The following CAPZA1 variants were observed in gnomAD, a reference collection of about 807,000 sequenced individuals.
The protein encoded by CAPZA1 is F-actin-capping protein subunit alpha-1.
CAPZA1 carries 10 observed loss-of-function variants against 40.8 expected under a neutral mutation model. The observed-to-expected ratio is 0.25, with a 90% CI of 0.15 to 0.42. CAPZA1 has a LOEUF of 0.42. CAPZA1 is among the 10% of genes least tolerant of loss of function. The pLI is 1.00. For synonymous variants in CAPZA1, 98 were observed against 115.0 expected (o/e 0.85, Z 0.95); for missense variants, 277 against 353.8 (o/e 0.78, Z 1.74).
At position 112,633,565 on chromosome 1, in the gene CAPZA1, G is replaced by C. The variant is rs115670550; in HGVS notation, c.40-13645G>C. 3.1e-3 allele frequency among the ~76,000 whole-genome samples: 465 copies of C among 152,292 alleles called. 4 individuals are homozygous for C. The highest frequency in any genetic ancestry group is 0.011 in the African/African-American group (437 of 41,560). ...CTGCTGAAATGAACATGGGGGTGCAGATATCTCTCTGACATACCAATTTCA... is the reference window on the plus strand; with the variant it reads ...CTGCTGAAATGAACATGGGGGTGCACATATCTCTCTGACATACCAATTTCA... On this transcript the variant is annotated intron_variant, in intron 1 of 9. Coordinates refer to ENST00000263168, the MANE Select transcript of CAPZA1 (RefSeq NM_006135.3).
intron 7 of CAPZA1, among the ~76,000 whole-genome samples, chr1:112,664,123 G>C (rs909254134): frequency 6.6e-6 from 1 of 151,580 alleles, no homozygotes; most frequent in Non-Finnish European, 1.5e-5. Context: ...TCCCAGCTAC[G>C]TGGGAGGCTG....
chr1:112,632,064 G>C (rs1449713839), intron 1 of CAPZA1, among the ~76,000 whole-genome samples: 1 of 152,182 alleles, frequency 6.6e-6, no homozygotes, highest in African/African-American at 2.4e-5. Context: ...CAGCACTTTG[G>C]GAAGTCAAGG....
intron 2 of CAPZA1, among the ~76,000 whole-genome samples, chr1:112,648,347 C>CT (rs35670246): frequency 0.039 from 3,833 of 99,378 alleles, 121 homozygotes; most frequent in African/African-American, 0.066. Context: ...TTGAATTTTT[C>CT]TTTTTTTTTT....
intron 1 of CAPZA1, among the ~76,000 whole-genome samples, chr1:112,622,174 C>CA (rs1408042192): frequency 6.6e-6 from 1 of 152,060 alleles, no homozygotes; most frequent in African/African-American, 2.4e-5. Context: ...TTTCTAAAGG[C>CA]AGTGAACCTT....
chr1:112,653,643 A>G lies in CAPZA1; in HGVS notation c.201A>G (p.Ile67Met). The change falls in exon 4 of 10, where the codon ATA becomes ATG. Residue 67 changes from isoleucine (I) to methionine (M), a missense_variant. Transcript: ENST00000263168. Reference sequence around the variant, plus strand: ...TGGATCAGTTCACGCCTGTGAAGATAGAAGGATATGAAGATCAGGTAATAA... The same window carrying G: ...TGGATCAGTTCACGCCTGTGAAGATGGAAGGATATGAAGATCAGGTAATAA... ...YNMDQFTPVK[I>M]EGYEDQVLIT... The G allele has an allele frequency of 6.2e-7, 1 of 1,604,444 alleles. No homozygotes were observed. Among genetic ancestry groups the G allele is most frequent in the Non-Finnish European group, 8.5e-7 (1 of 1,174,628 alleles).
At chr1:112,647,689 A>G (rs1357480953) in intron 2 of CAPZA1, among the ~76,000 whole-genome samples, 2 of 152,182 alleles carry the variant, frequency 1.3e-5, no homozygotes, top group African/African-American at 4.8e-5. Context: ...ATATCTGGGG[A>G]GCTTATTAAA....
intron 1 of CAPZA1, 132 bp from the exon 2 acceptor site, chr1:112,647,078 C>T: frequency 2.2e-6 from 1 of 445,076 alleles, no homozygotes; most frequent in East Asian, 3.4e-5. Context: ...TTTGAAGACT[C>T]CTAAACAGTA....
At chr1:112,654,948 T>G (rs766280285) in intron 5 of CAPZA1, among the ~76,000 whole-genome samples, 2 of 152,090 alleles carry the variant, frequency 1.3e-5, no homozygotes, top group Non-Finnish European at 2.9e-5. Context: ...CAGAAAAAGG[T>G]CTTTGGTTTT....
intron 3 of CAPZA1, among the ~76,000 whole-genome samples, chr1:112,652,739 T>G (rs977045288): frequency 2.6e-5 from 4 of 152,122 alleles, no homozygotes; most frequent in Non-Finnish European, 5.9e-5. Context: ...AAATTGGGAA[T>G]TCTGTGAGAA....
At chr1:112,646,491 C>T (rs1034639695) in intron 1 of CAPZA1, among the ~76,000 whole-genome samples, 3 of 152,150 alleles carry the variant, frequency 2.0e-5, no homozygotes, top group South Asian at 2.1e-4. Context: ...GCAGGAAGAG[C>T]GCTTGAGCCC....
At chr1:112,629,010 G>A (rs1407822623) in intron 1 of CAPZA1, among the ~76,000 whole-genome samples, 1 of 152,158 alleles carries the variant, frequency 6.6e-6, no homozygotes, top group African/African-American at 2.4e-5. Flanking sequence ...CTCCTGCCCA[G>A]CAGTCTGTCC....
chr1:112,654,756 C>A, intron 5 of CAPZA1, 85 bp downstream of exon 5: 1 of 826,748 alleles, frequency 1.2e-6, no homozygotes, highest in Non-Finnish European at 1.9e-6. Context: ...CCAAACATCC[C>A]TACTTTCTTC....
At chr1:112,662,943 A>G (rs1191560929) in intron 7 of CAPZA1, among the ~76,000 whole-genome samples, 1 of 151,882 alleles carries the variant, frequency 6.6e-6, no homozygotes, top group African/African-American at 2.4e-5. Flanking sequence ...CCTGTTTGTA[A>G]TAATTCCCCC....
At chr1:112,632,081 G>A (rs992843488) in intron 1 of CAPZA1, among the ~76,000 whole-genome samples, 1 of 152,204 alleles carries the variant, frequency 6.6e-6, no homozygotes, top group African/African-American at 2.4e-5. Flanking sequence ...AAGGCGGGCG[G>A]ATCACCTGAG....
intron 8 of CAPZA1, among the ~76,000 whole-genome samples, chr1:112,667,626 C>T (rs1295782417): frequency 2.0e-5 from 3 of 152,108 alleles, no homozygotes; most frequent in Non-Finnish European, 4.4e-5. Flanking sequence ...CTTGAGCTCC[C>T]AGGCTCAAGC....
chr1:112,669,686 C>A, intron 9 of CAPZA1, 81 bp downstream of exon 9: 1 of 1,035,266 alleles, frequency 9.7e-7, no homozygotes, highest in Non-Finnish European at 1.5e-6. Flanking sequence ...GCCTTGTGTC[C>A]TTTAATGTAA....
intron 1 of CAPZA1, among the ~76,000 whole-genome samples, chr1:112,623,419 G>A (rs1670724184): frequency 1.3e-5 from 2 of 152,118 alleles, no homozygotes; most frequent in South Asian, 2.1e-4. Context: ...AGTGGCTCAC[G>A]CCTGTGACCC....
chr1:112,623,400 G>T (rs1264194099), intron 1 of CAPZA1, among the ~76,000 whole-genome samples: 1 of 152,178 alleles, frequency 6.6e-6, no homozygotes, highest in African/African-American at 2.4e-5. Flanking sequence ...CCTAGGACAG[G>T]CCGGGCCCAG....
At chr1:112,656,190 A>G (rs574110927) in intron 5 of CAPZA1, among the ~76,000 whole-genome samples, 23 of 152,302 alleles carry the variant, frequency 1.5e-4, no homozygotes, top group African/African-American at 5.5e-4. Context: ...CCTACTTTGA[A>G]GCCTTACTAA....
Sources: allele counts gnomAD v4.1 joint callset (sites outside exome capture counted in the v4.1 genomes callset), GRCh38; gene constraint gnomAD v4.1.1; transcripts MANE v1.5; gene names NCBI Gene and HGNC (gene_info 2026-07-23, HGNC 2026-07-21).